TMEM176B: variants seen among roughly 807,000 people sequenced by gnomAD.
TMEM176B encodes transmembrane protein 176B.
A neutral mutation model predicts 30.3 loss-of-function variants in TMEM176B; 28 were observed. The observed-to-expected ratio is 0.92, with a 90% CI of 0.68 to 1.27. TMEM176B has a LOEUF of 1.27. Among genes scored for constraint, TMEM176B ranks in the 50% most tolerant of loss-of-function variants. TMEM176B has a pLI of 0.00. For synonymous variants in TMEM176B, 123 were observed against 130.3 expected, an observed-to-expected ratio of 0.94 and a Z score of 0.38; for missense variants, 349 against 327.4, an observed-to-expected ratio of 1.07 and a Z score of -0.51.
At chr7:150,795,920 C>T (rs1798505838) in intron 2 of TMEM176B, among the ~76,000 whole-genome samples, 2 of 152,180 alleles carry the variant, frequency 1.3e-5, no homozygotes, top group South Asian at 4.1e-4. Context: ...ATTCTTGTCA[C>T]ACTCAACTAA....
chr7:150,792,381 C>A (rs982201558), intron 5 of TMEM176B, among the ~76,000 whole-genome samples: 2 of 152,188 alleles, frequency 1.3e-5, no homozygotes, highest in Non-Finnish European at 2.9e-5. Flanking sequence ...GGAGACTATT[C>A]CTTCAACCCG....
In TMEM176B at chr7:150,793,663, T is replaced by G. The variant is rs1011267283; in HGVS notation, c.316-63A>C. 8 of 1,556,872 alleles carry G rather than the reference T, an allele frequency of 5.1e-6. No homozygotes were observed. The African/African-American group carries it at 1.1e-4, about 21-fold the overall frequency. ...CTTCTGAATTGGTCTATCATCACCCTCCCACCAGCAGTTCCCAGAATAGCC... is the reference window on the plus strand; with the variant it reads ...CTTCTGAATTGGTCTATCATCACCCGCCCACCAGCAGTTCCCAGAATAGCC... On this transcript the variant is annotated intron_variant, in intron 3 of 6. Transcript: ENST00000326442.
At chr7:150,799,499 T>C (rs1485097615) in intron 1 of TMEM176B, among the ~76,000 whole-genome samples, 2 of 152,284 alleles carry the variant, frequency 1.3e-5, no homozygotes, top group African/African-American at 4.8e-5. Context: ...GCAATTCTAA[T>C]GGACATCCTG....
chr7:150,792,295 T>C (rs958913640), intron 5 of TMEM176B, 120 bp from the exon 6 acceptor site: 15 of 1,332,938 alleles, frequency 1.1e-5, no homozygotes, highest in African/African-American at 2.9e-5. Context: ...CCACCACAGC[T>C]GACTGTGTTT....
At chr7:150,793,349 T>A (rs564131566) in intron 4 of TMEM176B, 34 bp from the exon 5 acceptor site, 1 of 1,591,686 alleles carries the variant, frequency 6.3e-7, no homozygotes, top group Admixed American at 1.7e-5. Context: ...CACACGCTCC[T>A]TCAATCGGTG....
In TMEM176B at chr7:150,792,101, C is replaced by T. The variant is rs778916883; in HGVS notation, c.675G>A (p.Leu225=). 3 of 1,613,824 alleles carry T rather than the reference C, an allele frequency of 1.9e-6. No individual in the cohort carries two copies. The highest frequency in any genetic ancestry group is 2.5e-6 in the Non-Finnish European group (3 of 1,179,956). ...CACACAAGTTTCGAAGACCTACTCC[C>T]AAGGAAACCAAGGACACAATGACCT... The part of the protein sequence containing the change: ...VLKVIVSLVS[L]GVGLRNLCGQ... Residue 225 remains leucine (L), a synonymous_variant, in exon 6 of 7, where the codon TTG becomes TTA. Coordinates refer to ENST00000326442, the MANE Select transcript of TMEM176B (RefSeq NM_001101312.2).
intron 1 of TMEM176B, among the ~76,000 whole-genome samples, chr7:150,799,032 C>T (rs1043826287): frequency 6.6e-6 from 1 of 152,156 alleles, no homozygotes; most frequent in African/African-American, 2.4e-5. Context: ...ATAAAATAAT[C>T]TTCCACATTT....
At position 150,792,293 on chromosome 7, in the gene TMEM176B, GCTGA is replaced by G; in HGVS notation, c.601-122_601-119del. ...TATCCAGCTTGCTGCTCCCACCACA[GCTGA>G]CTGTGTTTCCAGCCACAGCTTCCAT... is the stretch of plus-strand genomic sequence containing the variant. On this transcript the variant is annotated intron_variant, in intron 5 of 6. Coordinates refer to ENST00000326442, the MANE Select transcript of TMEM176B (RefSeq NM_001101312.2). 4.5e-6 allele frequency: 6 copies of G among 1,345,492 alleles called. No individual in the cohort carries two copies. In the South Asian group the frequency reaches 6.7e-5, roughly 15 times the overall value. 83.3% of individuals were successfully genotyped at this position (1,345,492 alleles called of 1,614,324 possible). A position where few individuals can be genotyped will look rare whatever the true frequency, so the allele number is the denominator to read the frequency against.
At chr7:150,797,284 T>C (rs57347652) in intron 1 of TMEM176B, among the ~76,000 whole-genome samples, 4,221 of 152,306 alleles carry the variant, frequency 0.028, 194 homozygotes, top group African/African-American at 0.095. Flanking sequence ...ATTTGCATGA[T>C]GCTGTGATCA....
intron 1 of TMEM176B, 33 bp from the exon 2 acceptor site, chr7:150,796,607 T>C (rs1183620360): frequency 6.2e-7 from 1 of 1,607,082 alleles, no homozygotes; most frequent in Non-Finnish European, 8.5e-7. Flanking sequence ...CAGTGAGGTC[T>C]GGGAACTAGG....
In TMEM176B at chr7:150,791,445, G is replaced by C; in HGVS notation, c.*86C>G. ...AGGAGGGTCTGGAGAGCGGCCATAG[G>C]GGAGGCAAGTGTGAGGAGCCAGGAG... On this transcript the variant is annotated 3_prime_UTR_variant, in exon 7 of 7. Coordinates refer to ENST00000326442, the MANE Select transcript of TMEM176B (RefSeq NM_001101312.2). 2 of 1,100,636 alleles carry C rather than the reference G, an allele frequency of 1.8e-6. No individual in the cohort carries two copies. The highest frequency in any genetic ancestry group is 2.7e-5 in the South Asian group (2 of 73,936). The allele number at this position is 1,100,636 out of a possible 1,614,324, so 68.2% of individuals were successfully genotyped here. A position where few individuals can be genotyped will look rare whatever the true frequency, so the allele number is the denominator to read the frequency against.
At chr7:150,794,249 G>T (rs535802408) in intron 2 of TMEM176B, among the ~76,000 whole-genome samples, 178 bp from the exon 3 acceptor site, 4 of 152,166 alleles carry the variant, frequency 2.6e-5, no homozygotes, top group Admixed American at 1.3e-4. Context: ...AAGCAGCACT[G>T]GCCTGGGTCT....
At chr7:150,795,421 T>A (rs750759923) in intron 2 of TMEM176B, among the ~76,000 whole-genome samples, 14 of 152,230 alleles carry the variant, frequency 9.2e-5, no homozygotes, top group African/African-American at 1.4e-4. Flanking sequence ...CACCTCTGTC[T>A]ATACCTATTC....
intron 1 of TMEM176B, among the ~76,000 whole-genome samples, chr7:150,798,805 A>C (rs752571501): frequency 2.6e-5 from 4 of 151,862 alleles, no homozygotes; most frequent in African/African-American, 4.8e-5. Flanking sequence ...TTCACATCCT[A>C]TGTCCTTGTT....
rs1366450599 is a variant in TMEM176B, at chr7:150,794,035, GA to G, written c.240del (p.Gly82GlufsTer12). 5 of 1,613,952 alleles carry G rather than the reference GA, an allele frequency of 3.1e-6. No individual in the cohort carries two copies. Among genetic ancestry groups the G allele is most frequent in the Non-Finnish European group, 4.2e-6 (5 of 1,179,916 alleles). On this transcript the variant is annotated frameshift_variant, in exon 3 of 7. Coordinates refer to ENST00000326442, the MANE Select transcript of TMEM176B (RefSeq NM_001101312.2). LOFTEE classifies it high-confidence loss of function. Reference sequence around the variant, plus strand: ...GGCCCCAAGCTGAGACACACTCCAAGAACACAACTCACAACCCCCAGCAATA... The same window carrying G: ...GGCCCCAAGCTGAGACACACTCCAAGACACAACTCACAACCCCCAGCAATA... Reference protein sequence around the residue: ...TQILLGVVSCVLGVCLSLGPW... With the variant: ...TQILLGVVSCXLGVCLSLGPW...
chr7:150,800,804 C>T (rs1798752524), upstream of TMEM176B: 18 of 500,018 alleles, frequency 3.6e-5, no homozygotes, highest in Non-Finnish European at 4.4e-5. Flanking sequence ...TCCCGCCGCC[C>T]GCTCGCAGGT....
At position 150,791,551 on chromosome 7, in the gene TMEM176B, A is replaced by C; in HGVS notation, c.793T>G (p.Ser265Ala). 1 of 1,613,882 alleles carries C rather than the reference A, an allele frequency of 6.2e-7. No individual in the cohort carries two copies. The highest frequency in any genetic ancestry group is 8.5e-7 in the Non-Finnish European group (1 of 1,179,994). Residue 265 changes from serine (S) to alanine (A), a missense_variant, in exon 7 of 7, where the codon TCC (serine) becomes GCC (alanine). Physicochemically the swap from Ser to Ala is moderately conservative, Grantham distance 99. Coordinates refer to ENST00000326442, the MANE Select transcript of TMEM176B (RefSeq NM_001101312.2). Reference protein sequence around the residue: ...VPPSPSREQTSTAIVL With the variant: ...VPPSPSREQTATAIVL Reference sequence around the variant, plus strand: ...GCAGCTCACAGGACAATGGCAGTGGAGGTCTGCTCCCTAGAGGGCGAAGGG... The same window carrying C: ...GCAGCTCACAGGACAATGGCAGTGGCGGTCTGCTCCCTAGAGGGCGAAGGG...
Position 150,791,929 on chromosome 7 carries a change from T to C in TMEM176B, c.720+127A>G, listed in dbSNP as rs774822271. On this transcript the variant is annotated intron_variant, in intron 6 of 6. Coordinates refer to ENST00000326442, the MANE Select transcript of TMEM176B (RefSeq NM_001101312.2). ...AGACAGCAAAGGGGAGAGCTGCATA[T>C]GGAAAGAAGCTGAGGGGCACCAGGC... The C allele has an allele frequency of 5.1e-6, 7 of 1,378,050 alleles. No individual in the cohort carries two copies. In the Admixed American group the frequency reaches 1.0e-4, roughly 20 times the overall value. The allele number at this position is 1,378,050 out of a possible 1,614,324, so 85.4% of individuals were successfully genotyped here. A position where few individuals can be genotyped will look rare whatever the true frequency, so the allele number is the denominator to read the frequency against.
chr7:150,791,302 G>T lies in TMEM176B; in HGVS notation c.*229C>A. ...AAACCATATCTTTCTGGGCAAAACT[G>T]CTTTTCTGGATTGTTTATTATGTTT... On this transcript the variant is annotated 3_prime_UTR_variant, in exon 7 of 7. Coordinates refer to ENST00000326442, the MANE Select transcript of TMEM176B (RefSeq NM_001101312.2). 2.2e-6 allele frequency: 1 copy of T among 451,092 alleles called. No homozygotes were observed. The highest frequency in any genetic ancestry group is 3.9e-6 in the Non-Finnish European group (1 of 254,008). The allele number at this position is 451,092 out of a possible 1,614,324, so 27.9% of individuals were successfully genotyped here.
Sources: gnomAD v4.1 joint callset for allele counts (sites outside exome capture counted in the v4.1 genomes callset) on GRCh38, gnomAD v4.1.1 for gene constraint, MANE v1.5 for transcripts, NCBI Gene and HGNC (gene_info 2026-07-23, HGNC 2026-07-21) for gene names.